The following ADAM17 variants were observed in gnomAD, a reference collection of about 807,000 sequenced individuals.
ADAM17 encodes the protein disintegrin and metalloproteinase domain-containing protein 17.
Under a neutral mutation model 96.7 loss-of-function variants are expected in ADAM17, and 39 were observed. That is an observed-to-expected ratio of 0.40 (90% CI 0.31 to 0.53). The LOEUF is 0.53. ADAM17 is among the 20% of genes least tolerant of loss of function. The pLI, the probability that ADAM17 is intolerant of heterozygous loss-of-function variation, is 0.44. For missense variants in ADAM17, 777 were observed against 1,013.2 expected, an observed-to-expected ratio of 0.77 and a Z score of 3.17; for synonymous variants, 344 against 359.2, an observed-to-expected ratio of 0.96 and a Z score of 0.48.
chr2:9,520,357 G>T (rs915595387), intron 8 of ADAM17, among the ~76,000 whole-genome samples: 6 of 152,158 alleles, frequency 3.9e-5, no homozygotes, highest in African/African-American at 1.4e-4. Flanking sequence ...TATACGGCAA[G>T]ACTCCAAATG....
At chr2:9,516,148 T>C (rs1011868524) in intron 10 of ADAM17, among the ~76,000 whole-genome samples, 12 of 152,368 alleles carry the variant, frequency 7.9e-5, no homozygotes, top group African/African-American at 2.6e-4. Context: ...TGTATATCTT[T>C]GGAGGTATCT....
chr2:9,533,417 C>T (rs916476143), intron 4 of ADAM17, among the ~76,000 whole-genome samples: 6 of 151,646 alleles, frequency 4.0e-5, no homozygotes, highest in Admixed American at 6.6e-5. Flanking sequence ...TGTGGTGGTG[C>T]GCACCTGTAA....
chr2:9,534,478 T>C (rs1664876420), intron 4 of ADAM17, among the ~76,000 whole-genome samples: 1 of 152,122 alleles, frequency 6.6e-6, no homozygotes, highest in Non-Finnish European at 1.5e-5. Context: ...GAGGTTATAG[T>C]GAGCCAAGAT....
intron 13 of ADAM17, among the ~76,000 whole-genome samples, chr2:9,500,837 G>T (rs185483865): frequency 5.3e-5 from 8 of 152,088 alleles, no homozygotes; most frequent in Non-Finnish European, 1.0e-4. Context: ...ACAATTGACC[G>T]AACAAAAGAT....
chr2:9,517,791 T>TA (rs1212932661), intron 10 of ADAM17, 110 bp downstream of exon 10: 27 of 647,000 alleles, frequency 4.2e-5, no homozygotes, highest in Non-Finnish European at 6.2e-5. Context: ...GGCAGAAATT[T>TA]AAAAAACAGT....
intron 16 of ADAM17, 59 bp downstream of exon 16, chr2:9,493,688 C>T: frequency 6.9e-7 from 1 of 1,455,674 alleles, no homozygotes; most frequent in Non-Finnish European, 9.6e-7. Context: ...GCACACTTTT[C>T]TAATGTCATC....
chr2:9,528,677 G>C (rs888305830), intron 4 of ADAM17, among the ~76,000 whole-genome samples: 1 of 152,224 alleles, frequency 6.6e-6, no homozygotes, highest in African/African-American at 2.4e-5. Flanking sequence ...GCAGTTTGTG[G>C]GGGGACACAC....
intron 13 of ADAM17, among the ~76,000 whole-genome samples, chr2:9,497,690 C>T (rs1050247946): frequency 2.0e-5 from 3 of 152,196 alleles, no homozygotes; most frequent in Non-Finnish European, 4.4e-5. Context: ...TCAATATTAA[C>T]AGATACTATT....
chr2:9,535,679 T>TTA (rs1167633497), intron 4 of ADAM17, among the ~76,000 whole-genome samples, 155 bp downstream of exon 4: 1 of 152,198 alleles, frequency 6.6e-6, no homozygotes, highest in African/African-American at 2.4e-5. Context: ...TTCTTAGAGA[T>TTA]TATCCTTTTT....
intron 1 of ADAM17, among the ~76,000 whole-genome samples, chr2:9,543,787 G>A (rs962681320): frequency 8.5e-5 from 13 of 152,186 alleles, no homozygotes; most frequent in Non-Finnish European, 1.3e-4. Context: ...GAGTGGTGGA[G>A]ATGAACAGAA....
chr2:9,518,083 C>A lies in ADAM17; in HGVS notation c.1102+20G>T. On this transcript the variant is annotated intron_variant, in intron 9 of 18. Coordinates refer to ENST00000310823, the MANE Select transcript of ADAM17 (RefSeq NM_003183.6). The stretch of plus-strand genomic sequence containing the variant: ...TAATAATCCCAGCAGCATATTCACA[C>A]AAGAAATGGAAAAACTTACCCTTTG... The A allele has an allele frequency of 6.3e-7, 1 of 1,576,736 alleles. No homozygotes were observed. The highest frequency in any genetic ancestry group is 8.6e-7 in the Non-Finnish European group (1 of 1,165,072).
rs1662678093 is a variant in ADAM17 at position 9,497,240 on chromosome 2, T to C, written c.1657A>G (p.Ser553Gly). 6.2e-7 allele frequency: 1 copy of C among 1,614,136 alleles called. No individual in the cohort carries two copies. The highest frequency in any genetic ancestry group is 1.1e-5 in the South Asian group (1 of 91,084). The change falls in exon 14 of 19, where the codon AGT becomes GGT. Residue 553 changes from serine (S) to glycine (G), a missense_variant. Around this residue, in one of 3 missense-constraint regions of ADAM17, gnomAD observed 446 missense variants for 664.7 expected, o/e 0.67. Transcript: ENST00000310823. ...GCATTTCCTGGAGGCGGGCACTCAC[T>C]GCTATTACCTGGAAGCAAACACCAG... Reference protein sequence around the residue: ...KGVSYCTGNSSECPPPGNAED... With the variant: ...KGVSYCTGNSGECPPPGNAED...
chr2:9,489,732 A>C lies in ADAM17; in HGVS notation c.*445T>G. On this transcript the variant is annotated 3_prime_UTR_variant, in exon 19 of 19. Coordinates refer to ENST00000310823, the MANE Select transcript of ADAM17 (RefSeq NM_003183.6). ...TTTGTTTTTAGTTGAAGGCAAAAAA[A>C]AAAAAAAAAAAAAAAAACTATTCCA... 7.0e-6 allele frequency: 1 copy of C among 143,246 alleles called. No homozygotes were observed. Among genetic ancestry groups the C allele is most frequent in the Non-Finnish European group, 1.5e-5 (1 of 67,198 alleles). 8.9% of individuals were successfully genotyped at this position (143,246 alleles called of 1,614,324 possible).
chr2:9,522,054 A>T (rs767357836), intron 7 of ADAM17: 3 of 181,074 alleles, frequency 1.7e-5, no homozygotes, highest in Non-Finnish European at 3.4e-5. Context: ...TTAATGTTTT[A>T]ATCTCCTATA....
intron 1 of ADAM17, among the ~76,000 whole-genome samples, chr2:9,545,081 T>C (rs1057317749): frequency 6.6e-6 from 1 of 152,200 alleles, no homozygotes; most frequent in African/African-American, 2.4e-5. Flanking sequence ...ATAGTTTCAT[T>C]GTCAATAATA....
intron 1 of ADAM17, among the ~76,000 whole-genome samples, chr2:9,552,558 C>T (rs573042828): frequency 1.3e-5 from 2 of 152,294 alleles, no homozygotes; most frequent in Non-Finnish European, 1.5e-5. Flanking sequence ...GGAGAATCCC[C>T]ATGCCAATAA....
intron 5 of ADAM17, 185 bp downstream of exon 5, chr2:9,527,601 G>C: frequency 2.6e-6 from 1 of 386,772 alleles, no homozygotes; most frequent in Non-Finnish European, 4.5e-6. Flanking sequence ...TTATTTTCCA[G>C]AGTTTTCAAC....
intron 10 of ADAM17, among the ~76,000 whole-genome samples, chr2:9,511,461 C>A (rs1289255875): frequency 3.3e-5 from 5 of 150,848 alleles, no homozygotes; most frequent in Admixed American, 6.6e-5. Context: ...AAAAAAAAAA[C>A]AAAAACCACA....
chr2:9,514,521 ATATATATATATATATATATAT>A (rs1558509867), intron 10 of ADAM17, among the ~76,000 whole-genome samples: 1 of 3,220 alleles, frequency 3.1e-4, no homozygotes, highest in African/African-American at 1.8e-3. Context: ...AAATATAAAT[ATATATATATATATATATATAT>A]ATATATATAT....
Sources: gnomAD v4.1 joint callset for allele counts (sites outside exome capture counted in the v4.1 genomes callset) on GRCh38, gnomAD v4.1.1 for gene constraint, gnomAD v4.1.1 regional missense constraint, MANE v1.5 for transcripts, NCBI Gene and HGNC (gene_info 2026-07-23, HGNC 2026-07-21) for gene names.